The following FANCD2 variants were observed in gnomAD, a reference collection of about 807,000 sequenced individuals.
FANCD2 encodes Fanconi anemia group D2 protein.
A neutral mutation model predicts 192.3 loss-of-function variants in FANCD2; 131 were observed. The ratio of observed to expected loss-of-function variants is 0.68; its 90% CI spans 0.59 to 0.79. The LOEUF (loss-of-function observed/expected upper bound fraction) is 0.79, where lower values mean the gene tolerates loss of function less well. Among genes scored for constraint, FANCD2 ranks in the 30% least tolerant of loss-of-function variants. FANCD2 has a pLI of 0.00. For missense variants in FANCD2, 1,508 were observed against 1,701.6 expected (o/e 0.89, Z 2.00); for synonymous variants, 524 against 612.5 (o/e 0.86, Z 2.13).
intron 6 of FANCD2, among the ~76,000 whole-genome samples, chr3:10,035,959 GT>G (rs2086717131): frequency 6.6e-6 from 1 of 152,018 alleles, no homozygotes; most frequent in Non-Finnish European, 1.5e-5. Flanking sequence ...GACAAATTAA[GT>G]CTTTGTATTC....
At chr3:10,078,423 C>T (rs911369621) in intron 30 of FANCD2, among the ~76,000 whole-genome samples, 11 of 151,800 alleles carry the variant, frequency 7.2e-5, no homozygotes, top group Admixed American at 6.6e-4. Context: ...GGTGTGATCT[C>T]GGCTCACTGC....
intron 7 of FANCD2, among the ~76,000 whole-genome samples, chr3:10,037,987 A>G (rs1366251639): frequency 6.6e-6 from 1 of 152,080 alleles, no homozygotes; most frequent in African/African-American, 2.4e-5. Flanking sequence ...AGTAATAGTA[A>G]GTTTAAAGGT....
chr3:10,084,452 G>T (rs566126092), intron 32 of FANCD2, among the ~76,000 whole-genome samples: 1 of 151,608 alleles, frequency 6.6e-6, no homozygotes, highest in Non-Finnish European at 1.5e-5. Context: ...ACCATGCCCA[G>T]CTGATTTTTC....
At chr3:10,057,044 TTA>T (rs1051860262) in intron 18 of FANCD2, among the ~76,000 whole-genome samples, 2 of 152,006 alleles carry the variant, frequency 1.3e-5, no homozygotes, top group African/African-American at 4.8e-5. Flanking sequence ...TTGGTAGACA[TTA>T]TGTTTTGTCA....
chr3:10,056,806 G>A (rs1344732408), intron 18 of FANCD2, among the ~76,000 whole-genome samples: 1 of 151,942 alleles, frequency 6.6e-6, no homozygotes, highest in African/African-American at 2.4e-5. Context: ...GTACTTCTTG[G>A]CCATTTCTAT....
chr3:10,029,764 C>T (rs2086545156), intron 2 of FANCD2, among the ~76,000 whole-genome samples: 1 of 152,130 alleles, frequency 6.6e-6, no homozygotes, highest in African/African-American at 2.4e-5. Flanking sequence ...TATCCAAAGT[C>T]CATTATATCA....
At chr3:10,074,167 A>G (rs1409346178) in intron 28 of FANCD2, among the ~76,000 whole-genome samples, 11 of 151,938 alleles carry the variant, frequency 7.2e-5, no homozygotes, top group Non-Finnish European at 1.3e-4. Flanking sequence ...GCAGGTCTCA[A>G]ACTCCTGACC....
intron 17 of FANCD2, among the ~76,000 whole-genome samples, chr3:10,050,283 T>G (rs2087156051): frequency 6.6e-6 from 1 of 152,048 alleles, no homozygotes; most frequent in Non-Finnish European, 1.5e-5. Context: ...AAATTATGGC[T>G]TAAGAGACAA....
intron 2 of FANCD2, chr3:10,032,556 C>G (rs530543468): frequency 2.7e-6 from 1 of 377,344 alleles, no homozygotes; most frequent in East Asian, 6.4e-5. Flanking sequence ...ATCCTCCTGC[C>G]TTGGCCTCCT....
intron 18 of FANCD2, among the ~76,000 whole-genome samples, chr3:10,054,473 ATT>A (rs55719769): frequency 2.9e-3 from 24 of 8,398 alleles, no homozygotes; most frequent in Admixed American, 7.2e-3. Flanking sequence ...ATATATATAT[ATT>A]TTTTTTTTTT....
At chr3:10,099,496 A>C in intron 43 of FANCD2, 1 of 263,886 alleles carries the variant, frequency 3.8e-6, no homozygotes, top group Non-Finnish European at 6.4e-6. Flanking sequence ...GCGGTGGCTC[A>C]CACCTGTAAT....
chr3:10,028,237 G>T (rs2086505614), intron 1 of FANCD2, among the ~76,000 whole-genome samples: 1 of 152,030 alleles, frequency 6.6e-6, no homozygotes, highest in Admixed American at 6.6e-5. Context: ...TAAATTCCCT[G>T]AGGACAGGGA....
intron 34 of FANCD2, among the ~76,000 whole-genome samples, chr3:10,087,543 A>C (rs1025352776): frequency 6.6e-6 from 1 of 151,780 alleles, no homozygotes; most frequent in South Asian, 2.1e-4. Flanking sequence ...AAAAAAATTT[A>C]TCTGAGACAT....
chr3:10,054,810 TC>T (rs1465491467), intron 18 of FANCD2, among the ~76,000 whole-genome samples: 1 of 149,828 alleles, frequency 6.7e-6, no homozygotes, highest in Non-Finnish European at 1.5e-5. Context: ...TATCTTTTTT[TC>T]CCCCCCTTTC....
intron 32 of FANCD2, among the ~76,000 whole-genome samples, chr3:10,084,071 A>C (rs1182038295): frequency 6.7e-6 from 1 of 150,340 alleles, no homozygotes; most frequent in Non-Finnish European, 1.5e-5. Context: ...TCGGCTCACT[A>C]TAACCTCTGC....
rs553524388 is a variant in FANCD2, at chr3:10,040,760, C to G, written c.696-863C>G. The stretch of plus-strand genomic sequence containing the variant: ...TCCTTTTGTATAGTTGTCTGCAAAG[C>G]TACCTCCAAAACATCCAGTGATTTC... On this transcript the variant is annotated intron_variant, in intron 9 of 43. Coordinates refer to ENST00000675286, the MANE Select transcript of FANCD2 (RefSeq NM_001018115.3). 162 of 340,346 alleles carry G rather than the reference C, an allele frequency of 4.8e-4. 1 individual carries two copies. Among genetic ancestry groups the G allele is most frequent in the South Asian group, 3.7e-3 (160 of 43,716 alleles). 21.1% of individuals were successfully genotyped at this position (340,346 alleles called of 1,614,324 possible).
intron 18 of FANCD2, among the ~76,000 whole-genome samples, chr3:10,060,038 G>A (rs1319363350): frequency 1.3e-5 from 2 of 151,858 alleles, no homozygotes; most frequent in Admixed American, 1.3e-4. Context: ...ATGGTGGCGG[G>A]TGCCTGTAAT....
intron 29 of FANCD2, among the ~76,000 whole-genome samples, chr3:10,076,591 G>A (rs1339969182): frequency 5.3e-5 from 8 of 152,094 alleles, no homozygotes; most frequent in Admixed American, 5.2e-4. Flanking sequence ...CACCCAGGCT[G>A]AAGTGCAGTG....
chr3:10,043,992 T>C, intron 14 of FANCD2, 128 bp downstream of exon 14: 1 of 767,942 alleles, frequency 1.3e-6, no homozygotes, highest in Non-Finnish European at 2.2e-6. Flanking sequence ...CTAGTTGCTC[T>C]AATAAACATT....
Sources: gnomAD v4.1 joint callset for allele counts (sites outside exome capture counted in the v4.1 genomes callset) on GRCh38, gnomAD v4.1.1 for gene constraint, MANE v1.5 for transcripts, NCBI Gene and HGNC (gene_info 2026-07-23, HGNC 2026-07-21) for gene names.